SLC1A7: variants seen among roughly 807,000 people sequenced by gnomAD.
SLC1A7 encodes solute carrier family 1 member 7, also known as excitatory amino acid transporter 5.
Under a neutral mutation model 47.7 loss-of-function variants are expected in SLC1A7, and 40 were observed. That is an observed-to-expected ratio of 0.84 (90% CI 0.65 to 1.09). SLC1A7 has a LOEUF of 1.09. SLC1A7 is among the 50% of genes least tolerant of loss of function. SLC1A7 has a pLI of 0.00. For missense variants in SLC1A7, 746 were observed against 769.5 expected (o/e 0.97, Z 0.36); for synonymous variants, 323 against 325.6 (o/e 0.99, Z 0.09).
At chr1:53,090,255 TCTGC>T in intron 8 of SLC1A7, 2 of 540,472 alleles carry the variant, frequency 3.7e-6, no homozygotes, top group Admixed American at 3.4e-5. Context: ...ACCACATGGC[TCTGC>T]CTGCCTGCCT....
intron 1 of SLC1A7, among the ~76,000 whole-genome samples, chr1:53,137,014 C>T (rs917086601): frequency 3.3e-5 from 5 of 151,360 alleles, no homozygotes; most frequent in Admixed American, 2.0e-4. Flanking sequence ...TAGCCAGGCT[C>T]AGTGGCTTAT....
chr1:53,092,873 CCT>C, intron 6 of SLC1A7, 86 bp from the exon 7 acceptor site: 1 of 852,264 alleles, frequency 1.2e-6, no homozygotes, highest in South Asian at 1.5e-5. Flanking sequence ...CGGCCTTCCC[CCT>C]GAGCTTCCTG....
At chr1:53,095,241 G>A (rs1015197160) in intron 5 of SLC1A7, among the ~76,000 whole-genome samples, 1 of 150,126 alleles carries the variant, frequency 6.7e-6, no homozygotes, top group Non-Finnish European at 1.5e-5. Context: ...TAAGCCAGGC[G>A]CATGCTGATG....
chr1:53,117,827 A>G (rs1644777804), intron 2 of SLC1A7, among the ~76,000 whole-genome samples: 1 of 152,222 alleles, frequency 6.6e-6, no homozygotes, highest in Admixed American at 6.5e-5. Flanking sequence ...TGTAGGTTTT[A>G]GACAGAGCAA....
chr1:53,126,480 A>T (rs1644883633), intron 2 of SLC1A7, among the ~76,000 whole-genome samples: 2 of 152,254 alleles, frequency 1.3e-5, no homozygotes, highest in African/African-American at 4.8e-5. Flanking sequence ...CGGGTTATAC[A>T]GTTAAATAAC....
At chr1:53,125,032 T>C (rs1644867087) in intron 2 of SLC1A7, among the ~76,000 whole-genome samples, 1 of 152,106 alleles carries the variant, frequency 6.6e-6, no homozygotes, top group African/African-American at 2.4e-5. Context: ...AGTGGCCTGC[T>C]CGGGGAAGAA....
At chr1:53,126,660 G>A (rs1364350286) in intron 2 of SLC1A7, among the ~76,000 whole-genome samples, 2 of 152,102 alleles carry the variant, frequency 1.3e-5, no homozygotes, top group Non-Finnish European at 2.9e-5. Context: ...TGCTAGCATC[G>A]GGGGACAGGC....
rs377470084 is a variant in SLC1A7, at chr1:53,105,794, T to C, written c.432-20A>G. 2.9e-5 allele frequency: 46 copies of C among 1,611,860 alleles called. No homozygotes were observed. Among genetic ancestry groups the C allele is most frequent in the African/African-American group, 5.4e-5 (4 of 74,750 alleles). On this transcript the variant is annotated intron_variant, in intron 3 of 10. Transcript: ENST00000371494. ...ATGTTCCTAGGAAGAGAATCAGCAA[T>C]TGAAAAATTCCAGAGCCCAGGACAG...
chr1:53,142,146 G>A (rs150323604), intron 1 of SLC1A7, among the ~76,000 whole-genome samples, 169 bp downstream of exon 1: 19 of 152,302 alleles, frequency 1.2e-4, no homozygotes, highest in Middle Eastern at 3.4e-3. Flanking sequence ...GTCCTGCAAA[G>A]TGTTTATCAC....
chr1:53,090,365 C>T lies in SLC1A7; in HGVS notation c.1226+247G>A, dbSNP rs138677328. Reference sequence around the variant, plus strand: ...CATCCCAGCACCCCTTCGTTGGCTCCTGCCACACGGGCGGCCTCTCCAAGG... The same window carrying T: ...CATCCCAGCACCCCTTCGTTGGCTCTTGCCACACGGGCGGCCTCTCCAAGG... On this transcript the variant is annotated intron_variant, in intron 8 of 10. Transcript: ENST00000371494. The T allele has an allele frequency of 4.3e-3, 2,605 of 599,528 alleles. 14 individuals carry two copies. Among genetic ancestry groups the T allele is most frequent in the Middle Eastern group, 8.0e-3 (18 of 2,246 alleles). 37.1% of individuals were successfully genotyped at this position (599,528 alleles called of 1,614,324 possible). A position where few individuals can be genotyped will look rare whatever the true frequency, so the allele number is the denominator to read the frequency against.
intron 8 of SLC1A7, 77 bp downstream of exon 8, chr1:53,090,535 C>A: frequency 1.4e-6 from 2 of 1,461,404 alleles, no homozygotes; most frequent in Non-Finnish European, 1.8e-6. Flanking sequence ...TCAGATACCC[C>A]TCAAGTCTGG....
chr1:53,139,362 AC>A (rs1217138984), intron 1 of SLC1A7, among the ~76,000 whole-genome samples: 1 of 152,098 alleles, frequency 6.6e-6, no homozygotes, highest in Non-Finnish European at 1.5e-5. Flanking sequence ...CGTGCTGGGG[AC>A]CCCACTCAGA....
chr1:53,114,193 G>A (rs1389932713), intron 3 of SLC1A7, among the ~76,000 whole-genome samples: 1 of 152,202 alleles, frequency 6.6e-6, no homozygotes, highest in African/African-American at 2.4e-5. Context: ...GAAGGTGGCT[G>A]TGCCGCTGGG....
rs1005008943 is a variant in SLC1A7, at chr1:53,090,811, G to T, written c.1032-5C>A. On this transcript the variant is annotated splice_region_variant and splice_polypyrimidine_tract_variant and intron_variant, in intron 7 of 10. Transcript: ENST00000371494. ...GTGATGGGCAGTGTGGCTGAGCTAC[G>T]GTTAGAGGGGCCGGTGTCTGCCCAG... 6.2e-7 allele frequency: 1 copy of T among 1,606,614 alleles called. No individual in the cohort carries two copies. The highest frequency in any genetic ancestry group is 1.3e-5 in the African/African-American group (1 of 74,838).
chr1:53,112,555 C>T (rs114684774), intron 3 of SLC1A7, among the ~76,000 whole-genome samples: 5 of 152,210 alleles, frequency 3.3e-5, no homozygotes, highest in African/African-American at 4.8e-5. Context: ...TCTATCCCCA[C>T]GGGGGAGGAA....
intron 3 of SLC1A7, chr1:53,108,671 C>T (rs964486918): frequency 7.0e-6 from 5 of 717,316 alleles, no homozygotes; most frequent in African/African-American, 3.5e-5. Context: ...CTTGAGCAAC[C>T]TTCATGGACC....
rs937188803 is a variant in SLC1A7 at position 53,087,427 on chromosome 1, C to G, written c.*582G>C. ...TCAGCTCTAGTAAAGACATCTGTCT[C>G]CACATCCAAGGAGCTTTGCAAAAGA... On this transcript the variant is annotated 3_prime_UTR_variant, in exon 11 of 11. Coordinates refer to ENST00000371494, the MANE Select transcript of SLC1A7 (RefSeq NM_006671.6). 3.3e-5 allele frequency: 5 copies of G among 152,276 alleles called. No individual in the cohort carries two copies. The highest frequency in any genetic ancestry group is 9.6e-5 in the African/African-American group (4 of 41,458). 9.4% of individuals were successfully genotyped at this position (152,276 alleles called of 1,614,324 possible).
At chr1:53,138,871 CTGAT>C (rs1308188090) in intron 1 of SLC1A7, among the ~76,000 whole-genome samples, 3 of 152,120 alleles carry the variant, frequency 2.0e-5, no homozygotes, top group Non-Finnish European at 4.4e-5. Context: ...TTCTTGTTCT[CTGAT>C]TGTTCCTTCT....
At chr1:53,088,372 A>AC (rs1293220447) in intron 10 of SLC1A7, 145 bp from the exon 11 acceptor site, 61 of 645,578 alleles carry the variant, frequency 9.4e-5, no homozygotes, top group Non-Finnish European at 1.3e-4. Context: ...TGACCTCGGC[A>AC]GGTCACGGCC....
Sources: gnomAD v4.1 joint callset for allele counts (sites outside exome capture counted in the v4.1 genomes callset) on GRCh38, gnomAD v4.1.1 for gene constraint, MANE v1.5 for transcripts, NCBI Gene and HGNC (gene_info 2026-07-23, HGNC 2026-07-21) for gene names.